The following KAZN variants were observed in gnomAD, a reference collection of about 807,000 sequenced individuals.
KAZN encodes kazrin, periplakin interacting protein.
Under a neutral mutation model 87.4 loss-of-function variants are expected in KAZN, and 40 were observed. The observed-to-expected ratio is 0.46, with a 90% confidence interval of 0.36 to 0.60. KAZN has a LOEUF of 0.60. Among genes scored for constraint, KAZN ranks in the 20% least tolerant of loss-of-function variants. KAZN has a pLI of 0.00. For synonymous variants in KAZN, 466 were observed against 458.3 expected (o/e 1.02, Z -0.22); for missense variants, 898 against 1,073.9 (o/e 0.84, Z 2.29).
intron 1 of KAZN, among the ~76,000 whole-genome samples, chr1:13,999,312 C>A (rs61777678): frequency 2.6e-5 from 4 of 151,766 alleles, no homozygotes; most frequent in African/African-American, 4.8e-5. Context: ...CACGCCATTG[C>A]GCTCCAGCCT....
chr1:14,978,407 T>C (rs1439625603), intron 2 of KAZN, among the ~76,000 whole-genome samples: 7 of 152,098 alleles, frequency 4.6e-5, no homozygotes, highest in Non-Finnish European at 1.0e-4. Flanking sequence ...TTGAGGGATG[T>C]GATGGTGGGG....
intron 1 of KAZN, among the ~76,000 whole-genome samples, chr1:14,178,776 G>T (rs1156696330): frequency 6.6e-6 from 1 of 151,952 alleles, no homozygotes; most frequent in Non-Finnish European, 1.5e-5. Context: ...TTACATTTTG[G>T]GGTACTATAT....
chr1:14,954,953 A>G (rs1234818168), intron 1 of KAZN, among the ~76,000 whole-genome samples: 1 of 152,112 alleles, frequency 6.6e-6, no homozygotes, highest in African/African-American at 2.4e-5. Flanking sequence ...CTCCATCTCA[A>G]AAAAGAAAAG....
chr1:15,027,437 ACT>A (rs1391044226), intron 2 of KAZN, among the ~76,000 whole-genome samples: 2 of 151,676 alleles, frequency 1.3e-5, no homozygotes, highest in African/African-American at 2.4e-5. Context: ...ACCTCAGCTG[ACT>A]CTCTGTGCAT....
intron 1 of KAZN, among the ~76,000 whole-genome samples, chr1:14,656,326 G>T (rs1638789281): frequency 6.6e-6 from 1 of 152,134 alleles, no homozygotes; most frequent in African/African-American, 2.4e-5. Context: ...ACAGTTTCCG[G>T]TCCCAGAAGC....
intron 2 of KAZN, among the ~76,000 whole-genome samples, chr1:15,007,505 C>T (rs1669143263): frequency 6.6e-6 from 1 of 152,230 alleles, no homozygotes; most frequent in African/African-American, 2.4e-5. Flanking sequence ...TCAGGCCTCT[C>T]TGTTTCCCAG....
At position 13,992,724 on chromosome 1, in the gene KAZN, T is replaced by C. The variant is rs78964851; in HGVS notation, c.91+98968T>C. Among the ~76,000 whole-genome samples the C allele has an allele frequency of 2.3e-3, 343 of 152,152 alleles. 3 individuals are homozygous for C. Among genetic ancestry groups the C allele is most frequent in the African/African-American group, 7.9e-3 (329 of 41,520 alleles). The stretch of plus-strand genomic sequence containing the variant: ...CAGGGGAACGGGGGATTGACGAGCA[T>C]CTTCTTTACTGATGCTGCCTTCTCA... On this transcript the variant is annotated intron_variant, in intron 1 of 16. Coordinates refer to the KAZN transcript ENST00000636203.
intron 4 of KAZN, among the ~76,000 whole-genome samples, chr1:15,053,526 G>A (rs1408783191): frequency 2.6e-5 from 4 of 152,288 alleles, no homozygotes; most frequent in African/African-American, 7.2e-5. Flanking sequence ...GCCCCAGGCC[G>A]GGTGCTGGGG....
At chr1:14,880,650 T>C (rs1311113236) in intron 1 of KAZN, among the ~76,000 whole-genome samples, 5 of 152,094 alleles carry the variant, frequency 3.3e-5, no homozygotes, top group African/African-American at 1.2e-4. Flanking sequence ...ACTTCACTCG[T>C]CTAAATAAGT....
rs1190725476 is a variant in KAZN, at chr1:14,839,648, A to ACCAGG, written c.227-121034_227-121033insAGGCC. Among the ~76,000 whole-genome samples the ACCAGG allele has an allele frequency of 1.1e-4, 17 of 152,152 alleles. No individual in the cohort carries two copies. In the East Asian group the frequency reaches 3.3e-3, roughly 29 times the overall value. On this transcript the variant is annotated intron_variant, in intron 1 of 14. Transcript: ENST00000376030. ...CATCTATCAGGTTGTGTTTTAATCT[A>ACCAGG]CCTGTTTGTGTGTTTGTTATTGTTG... is the stretch of plus-strand genomic sequence containing the variant.
intron 1 of KAZN, among the ~76,000 whole-genome samples, chr1:13,947,325 G>C (rs1471000289): frequency 2.6e-5 from 4 of 152,032 alleles, no homozygotes; most frequent in Non-Finnish European, 5.9e-5. Flanking sequence ...GGGTCACTCG[G>C]GTAGCAAGAG....
At chr1:14,258,584 C>G (rs773242684) in intron 2 of KAZN, among the ~76,000 whole-genome samples, 4 of 152,078 alleles carry the variant, frequency 2.6e-5, no homozygotes, top group Non-Finnish European at 5.9e-5. Flanking sequence ...TTTTGCTATT[C>G]GTTTAATCTA....
intron 1 of KAZN, among the ~76,000 whole-genome samples, chr1:14,706,396 G>T (rs777150592): frequency 2.2e-4 from 34 of 152,014 alleles, no homozygotes; most frequent in Admixed American, 6.6e-4. Flanking sequence ...AAACGTTGGG[G>T]ACCGCTGTTC....
chr1:14,894,051 A>G (rs935593625), intron 1 of KAZN, among the ~76,000 whole-genome samples: 2 of 151,964 alleles, frequency 1.3e-5, no homozygotes, highest in Non-Finnish European at 2.9e-5. Flanking sequence ...CTGTCCCCCA[A>G]ATCCACTTCT....
chr1:14,419,186 T>TA (rs796592671), intron 2 of KAZN, among the ~76,000 whole-genome samples: 36 of 152,348 alleles, frequency 2.4e-4, no homozygotes, highest in African/African-American at 8.7e-4. Flanking sequence ...ACCTTATACA[T>TA]AGTCTTTGCA....
At chr1:14,104,768 T>C (rs530095787) in intron 1 of KAZN, among the ~76,000 whole-genome samples, 1 of 152,368 alleles carries the variant, frequency 6.6e-6, no homozygotes, top group South Asian at 2.1e-4. Flanking sequence ...TTGATTTCTT[T>C]TTCTCTCTTG....
intron 1 of KAZN, among the ~76,000 whole-genome samples, chr1:14,663,308 A>G (rs1222536394): frequency 6.6e-6 from 1 of 151,904 alleles, no homozygotes; most frequent in African/African-American, 2.4e-5. Flanking sequence ...AGGCATTCTT[A>G]CTCCTATTTG....
intron 2 of KAZN, among the ~76,000 whole-genome samples, chr1:14,366,373 C>T (rs1659996206): frequency 2.0e-5 from 3 of 152,180 alleles, no homozygotes; most frequent in Admixed American, 2.0e-4. Context: ...TGACAAGTTT[C>T]CCGGGCAATT....
intron 2 of KAZN, chr1:14,390,890 T>G (rs538773228): frequency 1.3e-5 from 2 of 152,668 alleles, no homozygotes; most frequent in East Asian, 3.9e-4. Context: ...GCCACCACCA[T>G]GTTGCCAAGC....
Sources: allele counts gnomAD v4.1 joint callset (sites outside exome capture counted in the v4.1 genomes callset), GRCh38; gene constraint gnomAD v4.1.1; transcripts MANE v1.5; gene names NCBI Gene and HGNC (gene_info 2026-07-23, HGNC 2026-07-21).